Variants in ZNF112 observed in about 807,000 individuals in gnomAD.
The protein encoded by ZNF112 is zinc finger protein 112 (Y14).
In ZNF112, 37 loss-of-function variants were observed where a neutral mutation model predicts 77.7. That is an observed-to-expected ratio of 0.48 (90% CI 0.37 to 0.63). ZNF112 has a LOEUF of 0.63. ZNF112 is among the 20% of genes least tolerant of loss of function. The pLI is 0.00. For synonymous variants in ZNF112, 333 were observed against 363.6 expected (o/e 0.92, Z 0.96); for missense variants, 950 against 1,077.4 (o/e 0.88, Z 1.66).
intron 1 of ZNF112, among the ~76,000 whole-genome samples, chr19:44,348,828 G>C (rs1216118926): frequency 6.6e-6 from 1 of 151,950 alleles, no homozygotes; most frequent in African/African-American, 2.4e-5. Flanking sequence ...GCATATATTA[G>C]AAAAGAGGTC....
rs1568658883 is a variant in ZNF112, at chr19:44,329,076, C to T, written c.1081G>A (p.Ala361Thr). The change falls in exon 4 of 4, where the codon GCC (alanine) becomes ACC (threonine). Residue 361 changes from alanine (A) to threonine (T), a missense_variant. Physicochemically the swap from Ala to Thr is moderately conservative, Grantham distance 58. This residue lies in a region of ZNF112 where 560 missense variants were observed against 557.3 expected (regional missense o/e 1.00). Transcript: ENST00000354340. ...TTAAGGTCTAAGCTATGACTGAAGGCTTTCTCATAAATGTTGTGCCTATAG... is the reference window on the plus strand; with the variant it reads ...TTAAGGTCTAAGCTATGACTGAAGGTTTTCTCATAAATGTTGTGCCTATAG... ...MSYRHNIYEK[A>T]FSHSLDLNSI... 1.2e-6 allele frequency: 2 copies of T among 1,613,862 alleles called. No homozygotes were observed. The highest frequency in any genetic ancestry group is 1.7e-6 in the Non-Finnish European group (2 of 1,179,964).
intron 3 of ZNF112, among the ~76,000 whole-genome samples, chr19:44,332,233 T>C (rs1970283699): frequency 6.6e-6 from 1 of 151,976 alleles, no homozygotes; most frequent in Non-Finnish European, 1.5e-5. Context: ...TTGAACAAAA[T>C]CTTACCCGTA....
intron 1 of ZNF112, chr19:44,343,307 G>A (rs1970525483): frequency 6.2e-7 from 1 of 1,605,258 alleles, no homozygotes. Context: ...AGAGACCTGA[G>A]AAGGCAGAAC....
chr19:44,359,315 C>CTTTTTTTTTT (rs767955186), upstream of ZNF112, among the ~76,000 whole-genome samples: 28 of 54,858 alleles, frequency 5.1e-4, 8 homozygotes, highest in African/African-American at 1.6e-3. Context: ...TATTAGAGTT[C>CTTTTTTTTTT]TTTTTTTTTT....
chr19:44,351,657 T>C (rs1398114312), intron 1 of ZNF112, among the ~76,000 whole-genome samples: 3 of 151,994 alleles, frequency 2.0e-5, no homozygotes, highest in Non-Finnish European at 2.9e-5. Context: ...ATATTTCTAG[T>C]TAACTGGAAA....
chr19:44,351,574 C>T (rs984104365), intron 1 of ZNF112, among the ~76,000 whole-genome samples: 1 of 152,020 alleles, frequency 6.6e-6, no homozygotes, highest in African/African-American at 2.4e-5. Flanking sequence ...TTAAGTTGTA[C>T]TCAATCATTA....
At chr19:44,362,237 G>A (rs1970861720) in intron 1 of ZNF112, among the ~76,000 whole-genome samples, 1 of 152,032 alleles carries the variant, frequency 6.6e-6, no homozygotes, top group Non-Finnish European at 1.5e-5. Context: ...GAAGGGGGAG[G>A]AAGGTGAGGG....
intron 1 of ZNF112, among the ~76,000 whole-genome samples, chr19:44,342,814 C>CAA (rs397968717): frequency 7.3e-5 from 8 of 110,156 alleles, no homozygotes; most frequent in African/African-American, 2.6e-4. Context: ...GACTCCATCT[C>CAA]AAAAAAAAAA....
At chr19:44,331,451 T>C (rs1970269173) in intron 3 of ZNF112, among the ~76,000 whole-genome samples, 1 of 152,194 alleles carries the variant, frequency 6.6e-6, no homozygotes, top group African/African-American at 2.4e-5. Flanking sequence ...CAGATCTTCA[T>C]ATACTAGTGA....
chr19:44,336,770 T>A (rs1348398403), intron 2 of ZNF112, 52 bp from the exon 3 acceptor site: 2 of 1,465,396 alleles, frequency 1.4e-6, no homozygotes, highest in African/African-American at 2.8e-5. Context: ...GACATTCAAT[T>A]GGTCAAAACT....
chr19:44,336,078 T>C (rs1195376311), intron 3 of ZNF112, among the ~76,000 whole-genome samples: 1 of 152,210 alleles, frequency 6.6e-6, no homozygotes, highest in African/African-American at 2.4e-5. Context: ...AGTTATAATG[T>C]TGGCATTGGT....
chr19:44,328,284 G>A lies in ZNF112; in HGVS notation c.1873C>T (p.His625Tyr). 6.2e-7 allele frequency: 1 copy of A among 1,614,012 alleles called. No homozygotes were observed. The highest frequency in any genetic ancestry group is 1.1e-5 in the South Asian group (1 of 91,076). ...SSHLQGHQRV[H>Y]TGEKPFKCEE... ...CATTTGAATGGTTTTTCTCCAGTGT[G>A]GACTCTCTGATGGCCTTGAAGGTGT... The change falls in exon 4 of 4, where the codon CAC becomes TAC. Residue 625 changes from histidine (H) to tyrosine (Y), a missense_variant. Physicochemically the swap from His to Tyr is moderately conservative, Grantham distance 83 (BLOSUM62 2). This residue lies in a region of ZNF112 where 373 missense variants were observed against 482.8 expected (regional missense o/e 0.77). Transcript: ENST00000354340.
At chr19:44,336,543 T>C (rs1970369835) in intron 3 of ZNF112, 80 bp downstream of exon 3, 3 of 1,258,000 alleles carry the variant, frequency 2.4e-6, no homozygotes, top group African/African-American at 1.5e-5. Flanking sequence ...CAGGAAAGCT[T>C]AAACAGAGAA....
At chr19:44,365,111 T>G (rs1178407104) in intron 1 of ZNF112, among the ~76,000 whole-genome samples, 1 of 152,158 alleles carries the variant, frequency 6.6e-6, no homozygotes, top group East Asian at 1.9e-4. Context: ...AATATTGGTT[T>G]TTTTATTGTT....
At chr19:44,339,319 C>G (rs979650209) in intron 2 of ZNF112, among the ~76,000 whole-genome samples, 1 of 152,134 alleles carries the variant, frequency 6.6e-6, no homozygotes, top group Admixed American at 6.6e-5. Flanking sequence ...TACCCAGAAG[C>G]CTTGGGCCAC....
chr19:44,336,828 T>C, intron 2 of ZNF112, 110 bp from the exon 3 acceptor site: 1 of 793,696 alleles, frequency 1.3e-6, no homozygotes, highest in Non-Finnish European at 2.1e-6. Context: ...CCACATCCCT[T>C]CCACCCTGTT....
chr19:44,345,097 G>A (rs1481454797), intron 1 of ZNF112, among the ~76,000 whole-genome samples: 1 of 152,014 alleles, frequency 6.6e-6, no homozygotes, highest in Non-Finnish European at 1.5e-5. Flanking sequence ...GGTATCAATG[G>A]GGAGCTTTAA....
upstream of ZNF112, among the ~76,000 whole-genome samples, chr19:44,358,156 G>GAAA (rs59023124): frequency 1.8e-3 from 241 of 130,404 alleles, 4 homozygotes; most frequent in African/African-American, 6.2e-3. Context: ...CGTCTCAAAA[G>GAAA]AAAAAAAAAA....
At chr19:44,348,993 C>T (rs183581992) in intron 1 of ZNF112, among the ~76,000 whole-genome samples, 9 of 152,050 alleles carry the variant, frequency 5.9e-5, no homozygotes, top group East Asian at 3.9e-4. Context: ...AAGCTAAGAA[C>T]GGCTTTTACT....
Sources: allele counts gnomAD v4.1 joint callset (sites outside exome capture counted in the v4.1 genomes callset), GRCh38; gene constraint gnomAD v4.1.1; regional missense constraint gnomAD v4.1.1; transcripts MANE v1.5; gene names NCBI Gene and HGNC (gene_info 2026-07-23, HGNC 2026-07-21).